The following ADGRL3 variants were observed in gnomAD, a reference collection of about 807,000 sequenced individuals.
ADGRL3 encodes calcium-independent alpha-latrotoxin receptor 3.
ADGRL3 carries 62 observed loss-of-function variants against 153.5 expected under a neutral mutation model. The ratio of observed to expected loss-of-function variants is 0.40; its 90% CI spans 0.33 to 0.50. The LOEUF is 0.50. ADGRL3 is among the 20% of genes least tolerant of loss of function. ADGRL3 has a pLI of 0.47. For synonymous variants in ADGRL3, 710 were observed against 672.5 expected, an observed-to-expected ratio of 1.06 and a Z score of -0.86; for missense variants, 1,641 against 1,859.4, an observed-to-expected ratio of 0.88 and a Z score of 2.16.
At chr4:62,000,062 T>G (rs2151085444) in intron 21 of ADGRL3, among the ~76,000 whole-genome samples, 1 of 152,096 alleles carries the variant, frequency 6.6e-6, no homozygotes, top group South Asian at 2.1e-4. Flanking sequence ...ATTGTACTTT[T>G]ACCCACGTTA....
At chr4:61,946,775 A>G (rs970785815) in intron 15 of ADGRL3, 139 bp from the exon 16 acceptor site, 14 of 700,866 alleles carry the variant, frequency 2.0e-5, no homozygotes, top group East Asian at 2.0e-4. Flanking sequence ...TCTCCTCATA[A>G]ATGACTTGGT....
At chr4:61,560,722 C>T (rs1415631646) in intron 4 of ADGRL3, among the ~76,000 whole-genome samples, 1 of 151,924 alleles carries the variant, frequency 6.6e-6, no homozygotes, top group Non-Finnish European at 1.5e-5. Flanking sequence ...TTACGGAGGT[C>T]TATTATCTCC....
intron 1 of ADGRL3, among the ~76,000 whole-genome samples, chr4:61,336,905 A>G (rs2095688750): frequency 6.6e-6 from 1 of 151,028 alleles, no homozygotes; most frequent in Non-Finnish European, 1.5e-5. Context: ...TTTTCTTAAA[A>G]TAGGGATGAA....
chr4:61,466,947 G>A (rs1481316457), intron 2 of ADGRL3, among the ~76,000 whole-genome samples: 1 of 151,860 alleles, frequency 6.6e-6, no homozygotes, highest in Non-Finnish European at 1.5e-5. Flanking sequence ...TATGCTACAA[G>A]TATTTAGCCA....
chr4:61,646,339 C>T (rs894015076), intron 5 of ADGRL3, among the ~76,000 whole-genome samples: 1 of 152,062 alleles, frequency 6.6e-6, no homozygotes, highest in Non-Finnish European at 1.5e-5. Flanking sequence ...GAACTGCGTT[C>T]CTTTGGAGGA....
chr4:61,484,147 A>T (rs1357807285), intron 2 of ADGRL3, among the ~76,000 whole-genome samples: 1 of 151,978 alleles, frequency 6.6e-6, no homozygotes, highest in Non-Finnish European at 1.5e-5. Context: ...GACTCCTGGA[A>T]CATGATACGT....
At chr4:61,431,747 T>C (rs2097358367) in intron 2 of ADGRL3, among the ~76,000 whole-genome samples, 1 of 152,212 alleles carries the variant, frequency 6.6e-6, no homozygotes, top group South Asian at 2.1e-4. Flanking sequence ...ATAATATGGA[T>C]GTCAATAATA....
intron 6 of ADGRL3, among the ~76,000 whole-genome samples, chr4:61,681,601 CA>C: frequency 6.6e-6 from 1 of 152,100 alleles, no homozygotes; most frequent in South Asian, 2.1e-4. Flanking sequence ...TCCTTATGAA[CA>C]GGCAAGAAAA....
intron 4 of ADGRL3, among the ~76,000 whole-genome samples, chr4:61,537,191 G>A (rs1376297810): frequency 1.3e-5 from 2 of 148,840 alleles, no homozygotes; most frequent in Non-Finnish European, 3.0e-5. Context: ...TTTTAATTTA[G>A]GTAGTCTAAA....
At chr4:61,237,735 C>A (rs1264263562) in intron 1 of ADGRL3, among the ~76,000 whole-genome samples, 1 of 152,132 alleles carries the variant, frequency 6.6e-6, no homozygotes, top group Non-Finnish European at 1.5e-5. Context: ...TTTTTGAAAA[C>A]TGCAACATTT....
intron 17 of ADGRL3, among the ~76,000 whole-genome samples, chr4:61,963,313 G>A (rs1370864783): frequency 6.6e-6 from 1 of 151,436 alleles, no homozygotes. Flanking sequence ...TTTGTGACAT[G>A]GGTAAATTGC....
Position 61,931,655 on chromosome 4 carries a change from C to T in ADGRL3, c.2113-3185C>T, listed in dbSNP as rs182068729. Among the ~76,000 whole-genome samples, 351 of 152,168 alleles carry T rather than the reference C, an allele frequency of 2.3e-3. 1 individual carries two copies. Among genetic ancestry groups the T allele is most frequent in the African/African-American group, 7.8e-3 (325 of 41,530 alleles). ...ATACTTAAGCAACTGTGAACAGGTG[C>T]GTTTTTGAGCAGATTAAATAAATGT... is the stretch of plus-strand genomic sequence containing the variant. On this transcript the variant is annotated intron_variant, in intron 13 of 26. Coordinates refer to ENST00000683033, the MANE Select transcript of ADGRL3 (RefSeq NM_001387552.1).
chr4:61,525,783 T>A (rs1426385290), intron 4 of ADGRL3, among the ~76,000 whole-genome samples: 1 of 152,080 alleles, frequency 6.6e-6, no homozygotes, highest in Non-Finnish European at 1.5e-5. Context: ...GACTGGGTGG[T>A]ACCATTCACA....
At chr4:61,610,327 A>G (rs574378852) in intron 5 of ADGRL3, among the ~76,000 whole-genome samples, 1 of 152,198 alleles carries the variant, frequency 6.6e-6, no homozygotes, top group African/African-American at 2.4e-5. Context: ...TTGTTTCTTC[A>G]TCTCTGATTA....
At chr4:61,691,304 A>G (rs1165935068) in intron 6 of ADGRL3, among the ~76,000 whole-genome samples, 1 of 152,138 alleles carries the variant, frequency 6.6e-6, no homozygotes, top group Admixed American at 6.6e-5. Flanking sequence ...TAGCTTGAAC[A>G]CTATTAGGAG....
At chr4:61,401,065 C>CTT (rs528836191) in intron 2 of ADGRL3, among the ~76,000 whole-genome samples, 1 of 141,770 alleles carries the variant, frequency 7.1e-6, no homozygotes, top group Non-Finnish European at 1.6e-5. Flanking sequence ...AAGGAAGATT[C>CTT]TTTTTTTTTT....
intron 8 of ADGRL3, among the ~76,000 whole-genome samples, chr4:61,752,577 C>T (rs2096770508): frequency 6.6e-6 from 1 of 152,138 alleles, no homozygotes; most frequent in Non-Finnish European, 1.5e-5. Context: ...GTCTTATGTT[C>T]TGCTTCAGGG....
intron 13 of ADGRL3, among the ~76,000 whole-genome samples, chr4:61,914,657 A>G (rs1432871611): frequency 2.6e-5 from 4 of 152,070 alleles, no homozygotes; most frequent in Non-Finnish European, 5.9e-5. Context: ...CTAAAAACCA[A>G]TTTGTTCATT....
chr4:61,915,767 T>C (rs2098742449), intron 13 of ADGRL3, among the ~76,000 whole-genome samples: 1 of 152,200 alleles, frequency 6.6e-6, no homozygotes, highest in Admixed American at 6.5e-5. Context: ...CTTTAGTCTA[T>C]TTGCATTTTA....
Sources: allele counts gnomAD v4.1 joint callset (sites outside exome capture counted in the v4.1 genomes callset), GRCh38; gene constraint gnomAD v4.1.1; transcripts MANE v1.5; gene names NCBI Gene and HGNC (gene_info 2026-07-23, HGNC 2026-07-21).